ZNF385D: variants seen among roughly 807,000 people sequenced by gnomAD.
ZNF385D encodes the protein zinc finger protein 385D, also known as zinc finger protein 659.
Under a neutral mutation model 35.8 loss-of-function variants are expected in ZNF385D, and 15 were observed. That is an observed-to-expected ratio of 0.42 (90% CI 0.28 to 0.64). The LOEUF (loss-of-function observed/expected upper bound fraction) is 0.64, where lower values mean the gene tolerates loss of function less well. Ranked by LOEUF, ZNF385D falls within the 30% of genes least tolerant of loss-of-function variation. The pLI, the probability that ZNF385D is intolerant of heterozygous loss-of-function variation, is 0.23. For missense variants in ZNF385D, 474 were observed against 494.6 expected (o/e 0.96, Z 0.39); for synonymous variants, 212 against 186.8 (o/e 1.13, Z -1.10).
chr3:22,155,850 TA>T (rs1705550459), intron 3 of ZNF385D, among the ~76,000 whole-genome samples: 1 of 152,136 alleles, frequency 6.6e-6, no homozygotes, highest in Non-Finnish European at 1.5e-5. Flanking sequence ...TAAAAGTTTT[TA>T]ATTTGGGTCT....
At chr3:21,781,021 G>T (rs2071467892) in intron 3 of ZNF385D, among the ~76,000 whole-genome samples, 2 of 151,990 alleles carry the variant, frequency 1.3e-5, no homozygotes, top group African/African-American at 4.8e-5. Flanking sequence ...GTCAGTTTTG[G>T]ATCCCCCATA....
chr3:21,575,007 A>C (rs1467230825), intron 2 of ZNF385D, among the ~76,000 whole-genome samples: 1 of 152,206 alleles, frequency 6.6e-6, no homozygotes, highest in East Asian at 1.9e-4. Flanking sequence ...CTTAACAAAC[A>C]TAAAACAACT....
At chr3:21,912,680 C>T (rs1448887082) in intron 3 of ZNF385D, among the ~76,000 whole-genome samples, 1 of 151,974 alleles carries the variant, frequency 6.6e-6, no homozygotes, top group Non-Finnish European at 1.5e-5. Context: ...AGAACTTTCC[C>T]CATCCTTTTG....
At chr3:21,740,314 A>G (rs2069450810) in intron 1 of ZNF385D, among the ~76,000 whole-genome samples, 1 of 152,200 alleles carries the variant, frequency 6.6e-6, no homozygotes, top group South Asian at 2.1e-4. Context: ...GTGGACCAGG[A>G]ACATTTAACG....
chr3:21,523,801 C>T (rs1457013889), intron 3 of ZNF385D, among the ~76,000 whole-genome samples: 1 of 150,970 alleles, frequency 6.6e-6, no homozygotes, highest in African/African-American at 2.4e-5. Flanking sequence ...AGAAATAAAA[C>T]ATGTTTGCAT....
intron 3 of ZNF385D, among the ~76,000 whole-genome samples, chr3:21,830,665 TTAG>T (rs1192760639): frequency 6.6e-6 from 1 of 152,156 alleles, no homozygotes; most frequent in Non-Finnish European, 1.5e-5. Flanking sequence ...AGTATCTTTA[TTAG>T]TAGAGTTGCG....
At chr3:21,439,297 CAAAAA>C (rs143786633) in intron 4 of ZNF385D, among the ~76,000 whole-genome samples, 13 of 89,288 alleles carry the variant, frequency 1.5e-4, no homozygotes, top group Non-Finnish European at 2.2e-4. Flanking sequence ...GATTTTGAGG[CAAAAA>C]AAAAAAAAAA....
intron 2 of ZNF385D, among the ~76,000 whole-genome samples, chr3:21,578,943 T>C (rs986484946): frequency 5.3e-5 from 8 of 152,214 alleles, no homozygotes; most frequent in Non-Finnish European, 1.2e-4. Flanking sequence ...TTAATATCTA[T>C]GGAGAAAACT....
intron 3 of ZNF385D, among the ~76,000 whole-genome samples, chr3:21,803,472 G>A (rs760967443): frequency 6.6e-6 from 1 of 152,002 alleles, no homozygotes; most frequent in Non-Finnish European, 1.5e-5. Context: ...TAATATGATT[G>A]TATAACTAAG....
At chr3:21,919,243 C>G (rs1229653215) in intron 3 of ZNF385D, among the ~76,000 whole-genome samples, 1 of 152,200 alleles carries the variant, frequency 6.6e-6, no homozygotes, top group African/African-American at 2.4e-5. Context: ...ATATCAGGAA[C>G]TGAGCTTGGC....
intron 4 of ZNF385D, among the ~76,000 whole-genome samples, chr3:21,467,096 C>T (rs1436247385): frequency 1.3e-5 from 2 of 152,090 alleles, no homozygotes; most frequent in South Asian, 2.1e-4. Flanking sequence ...TTCATTAATG[C>T]CCCCCATCAA....
chr3:22,091,187 T>C (rs1014709178), intron 3 of ZNF385D, among the ~76,000 whole-genome samples: 5 of 152,126 alleles, frequency 3.3e-5, no homozygotes, highest in Admixed American at 1.3e-4. Flanking sequence ...CTTAACTTGG[T>C]TGATTGACTG....
intron 3 of ZNF385D, among the ~76,000 whole-genome samples, chr3:21,525,721 AC>A (rs1371799740): frequency 6.6e-6 from 1 of 150,746 alleles, no homozygotes; most frequent in Non-Finnish European, 1.5e-5. Flanking sequence ...TAAAATTTTG[AC>A]TTTGCAGACA....
chr3:22,319,674 G>C (rs572009936), intron 2 of ZNF385D, among the ~76,000 whole-genome samples: 6 of 152,170 alleles, frequency 3.9e-5, no homozygotes, highest in Middle Eastern at 3.4e-3. Context: ...CCTGTGAAAA[G>C]ATGTCCTCCC....
chr3:22,359,710 T>C (rs1696327358), intron 2 of ZNF385D, among the ~76,000 whole-genome samples: 1 of 151,838 alleles, frequency 6.6e-6, no homozygotes, highest in African/African-American at 2.4e-5. Flanking sequence ...AAATGATGAA[T>C]TCAGTTTGAG....
intron 1 of ZNF385D, among the ~76,000 whole-genome samples, chr3:21,720,161 G>A (rs1484914133): frequency 6.6e-6 from 1 of 152,160 alleles, no homozygotes; most frequent in East Asian, 1.9e-4. Flanking sequence ...CTTTCCTCAG[G>A]TGACTGAAAT....
intron 1 of ZNF385D, among the ~76,000 whole-genome samples, chr3:21,686,768 A>C (rs954578037): frequency 2.6e-5 from 4 of 152,188 alleles, no homozygotes; most frequent in Non-Finnish European, 5.9e-5. Context: ...GTTTTTAAGG[A>C]ATATTATTTT....
chr3:22,206,279 AAGCAAATATTCTAG>A (rs1263081992), intron 2 of ZNF385D, among the ~76,000 whole-genome samples: 4 of 152,026 alleles, frequency 2.6e-5, no homozygotes, highest in Non-Finnish European at 5.9e-5. Context: ...CAGATATATA[AAGCAAATATTCTAG>A]AGCTAAAGAG....
At chr3:21,905,205 C>CAAAAAAAAAAAAAAAAA (rs63147760) in intron 3 of ZNF385D, among the ~76,000 whole-genome samples, 9 of 69,706 alleles carry the variant, frequency 1.3e-4, no homozygotes, top group Non-Finnish European at 1.6e-4. Context: ...ACAAAAAATC[C>CAAAAAAAAAAAAAAAAA]AAAAAAAAAA....
Sources: gnomAD v4.1 joint callset for allele counts (sites outside exome capture counted in the v4.1 genomes callset) on GRCh38, gnomAD v4.1.1 for gene constraint, MANE v1.5 for transcripts, NCBI Gene and HGNC (gene_info 2026-07-23, HGNC 2026-07-21) for gene names.